The following LRP1B variants were observed in gnomAD, a reference collection of about 807,000 sequenced individuals.
LRP1B encodes the protein low-density lipoprotein receptor-related protein 1B.
In LRP1B, 217 loss-of-function variants were observed where a neutral mutation model predicts 556.6. The ratio of observed to expected loss-of-function variants is 0.39; its 90% CI spans 0.35 to 0.44. The LOEUF (loss-of-function observed/expected upper bound fraction) is 0.44. Ranked by LOEUF, LRP1B falls within the 20% of genes least tolerant of loss-of-function variation. The pLI is 1.00. For missense variants in LRP1B, 5,053 were observed against 5,620.8 expected (o/e 0.90, Z 3.23); for synonymous variants, 2,047 against 1,865.8 (o/e 1.10, Z -2.50).
chr2:141,821,059 G>A lies in LRP1B; in HGVS notation c.83-10658C>T, dbSNP rs556685104. 3.9e-5 allele frequency among the ~76,000 whole-genome samples: 6 copies of A among 152,312 alleles called. No homozygotes were observed. The East Asian group carries it at 1.2e-3, about 29-fold the overall frequency. ...TAGATGAGCCAGGAAAGAAGAAGCT[G>A]TAATCTGAGAAGGGAGCCAAGCATC... On this transcript the variant is annotated intron_variant, in intron 1 of 90. Transcript: ENST00000389484.
At chr2:141,859,389 C>T (rs1202278576) in intron 1 of LRP1B, among the ~76,000 whole-genome samples, 1 of 152,092 alleles carries the variant, frequency 6.6e-6, no homozygotes, top group Non-Finnish European at 1.5e-5. Flanking sequence ...TGCAGGGCCA[C>T]AGACAAGTCA....
intron 20 of LRP1B, among the ~76,000 whole-genome samples, chr2:140,947,654 G>A (rs1203312275): frequency 6.6e-6 from 1 of 152,140 alleles, no homozygotes; most frequent in African/African-American, 2.4e-5. Context: ...AAAGAATAAT[G>A]AATAGAAATA....
intron 11 of LRP1B, among the ~76,000 whole-genome samples, chr2:141,030,450 T>C (rs1485749135): frequency 6.6e-6 from 1 of 152,124 alleles, no homozygotes; most frequent in African/African-American, 2.4e-5. Flanking sequence ...TTAAGACAAA[T>C]TACAAATAAC....
rs569727119 is a variant in LRP1B at position 140,554,791 on chromosome 2, AC to A, written c.7195-12821del. Among the ~76,000 whole-genome samples the A allele has an allele frequency of 3.3e-3, 500 of 151,866 alleles. 1 individual carries two copies. The highest frequency in any genetic ancestry group is 4.8e-3 in the Non-Finnish European group (326 of 67,876). On this transcript the variant is annotated intron_variant, in intron 43 of 90. Transcript: ENST00000389484. ...AGTAAATAAATGAGTGATTAAAAAAACATTTTCTTCTGCTGTATGAGTTTAT... is the reference window on the plus strand; with the variant it reads ...AGTAAATAAATGAGTGATTAAAAAAAATTTTCTTCTGCTGTATGAGTTTAT...
chr2:140,953,266 T>G (rs1455454040), intron 18 of LRP1B, among the ~76,000 whole-genome samples: 1 of 152,128 alleles, frequency 6.6e-6, no homozygotes, highest in Non-Finnish European at 1.5e-5. Flanking sequence ...ATTTTTTGTA[T>G]TTTTAGTAGA....
In LRP1B at chr2:141,890,392, T is replaced by C. The variant is rs1266741996; in HGVS notation, c.83-79991A>G. On this transcript the variant is annotated intron_variant, in intron 1 of 90. Transcript: ENST00000389484. Reference sequence around the variant, plus strand: ...ATATATAGTGTGTATACATATATAGTGTATATATATATATATACTGAATTG... The same window carrying C: ...ATATATAGTGTGTATACATATATAGCGTATATATATATATATACTGAATTG... Among the ~76,000 whole-genome samples the C allele has an allele frequency of 8.1e-3, 366 of 45,464 alleles. 3 individuals are homozygous for C. The highest frequency in any genetic ancestry group is 0.027 in the African/African-American group (336 of 12,380). 29.8% of individuals were successfully genotyped at this position (45,464 alleles called of 152,430 possible).
At chr2:140,513,058 C>A (rs1689732224) in intron 51 of LRP1B, among the ~76,000 whole-genome samples, 1 of 152,042 alleles carries the variant, frequency 6.6e-6, no homozygotes. Flanking sequence ...ACTGACAATA[C>A]TTCGACAAAG....
At chr2:140,589,777 A>C (rs1308218754) in intron 43 of LRP1B, among the ~76,000 whole-genome samples, 1 of 152,190 alleles carries the variant, frequency 6.6e-6, no homozygotes, top group East Asian at 1.9e-4. Context: ...CAAAGTTTCT[A>C]TGTAAGTTTC....
intron 3 of LRP1B, among the ~76,000 whole-genome samples, chr2:141,295,545 C>T (rs537306809): frequency 1.3e-5 from 2 of 152,254 alleles, no homozygotes; most frequent in East Asian, 3.9e-4. Flanking sequence ...GTCTCCTTGA[C>T]ATCTCTTTAG....
At chr2:140,622,932 A>G (rs1346825990) in intron 41 of LRP1B, among the ~76,000 whole-genome samples, 1 of 145,070 alleles carries the variant, frequency 6.9e-6, no homozygotes, top group Admixed American at 7.2e-5. Flanking sequence ...AAGTATTTCA[A>G]AATGCTTCTA....
At chr2:140,322,759 A>G (rs537237703) in intron 81 of LRP1B, among the ~76,000 whole-genome samples, 47 of 152,030 alleles carry the variant, frequency 3.1e-4, no homozygotes, top group African/African-American at 1.1e-3. Flanking sequence ...AGATTATTTC[A>G]TCAGAATTAA....
chr2:140,818,319 A>T (rs2105047884), intron 31 of LRP1B, among the ~76,000 whole-genome samples: 3 of 152,328 alleles, frequency 2.0e-5, no homozygotes, highest in East Asian at 3.9e-4. Context: ...AGTAGAAAAC[A>T]ACTCCTTCTA....
chr2:141,445,214 T>C (rs1681141283), intron 3 of LRP1B, among the ~76,000 whole-genome samples: 1 of 152,236 alleles, frequency 6.6e-6, no homozygotes, highest in Non-Finnish European at 1.5e-5. Context: ...TTTATTTGCA[T>C]AGAGTTGTTT....
intron 1 of LRP1B, among the ~76,000 whole-genome samples, chr2:142,046,048 T>C (rs1704246795): frequency 6.6e-6 from 1 of 151,888 alleles, no homozygotes; most frequent in Non-Finnish European, 1.5e-5. Flanking sequence ...AAACAAGGTG[T>C]AAACCAGAGC....
chr2:141,630,189 C>A (rs1262714869), intron 2 of LRP1B, among the ~76,000 whole-genome samples: 1 of 152,128 alleles, frequency 6.6e-6, no homozygotes, highest in Admixed American at 6.6e-5. Context: ...AATCTCAAAC[C>A]ATCACACACA....
chr2:141,228,533 GAGA>G (rs1006174280), intron 6 of LRP1B, among the ~76,000 whole-genome samples: 1 of 151,204 alleles, frequency 6.6e-6, no homozygotes, highest in Non-Finnish European at 1.5e-5. Context: ...AGCAGGGAGA[GAGA>G]AGGAGAGAGA....
intron 1 of LRP1B, among the ~76,000 whole-genome samples, chr2:141,965,976 T>A (rs1026266819): frequency 6.6e-6 from 1 of 151,818 alleles, no homozygotes; most frequent in Non-Finnish European, 1.5e-5. Flanking sequence ...CATCACTGAC[T>A]AATTCCACCA....
At chr2:141,005,195 T>C (rs1697535581) in intron 15 of LRP1B, 140 bp downstream of exon 15, 2 of 946,294 alleles carry the variant, frequency 2.1e-6, no homozygotes, top group Non-Finnish European at 3.0e-6. Flanking sequence ...GTTAATAATT[T>C]ATAGTCTAAA....
chr2:141,280,264 G>A (rs1022897470), intron 3 of LRP1B, among the ~76,000 whole-genome samples: 2 of 152,034 alleles, frequency 1.3e-5, no homozygotes, highest in African/African-American at 4.8e-5. Flanking sequence ...AGTGCAAACA[G>A]TCCAGCTTCC....
Sources: allele counts gnomAD v4.1 joint callset (sites outside exome capture counted in the v4.1 genomes callset), GRCh38; gene constraint gnomAD v4.1.1; transcripts MANE v1.5; gene names NCBI Gene and HGNC (gene_info 2026-07-23, HGNC 2026-07-21).